The following CDH12 variants were observed in gnomAD, a reference collection of about 807,000 sequenced individuals.
CDH12 encodes cadherin 12.
In CDH12, 41 loss-of-function variants were observed where a neutral mutation model predicts 74.1. That is an observed-to-expected ratio of 0.55 (90% CI 0.43 to 0.72). CDH12 has a LOEUF of 0.72. CDH12 is among the 30% of genes least tolerant of loss of function. The pLI is 0.00. For missense variants in CDH12, 945 were observed against 977.2 expected (o/e 0.97, Z 0.44); for synonymous variants, 399 against 355.0 (o/e 1.12, Z -1.39).
At chr5:21,966,112 A>C (rs977193164) in intron 6 of CDH12, among the ~76,000 whole-genome samples, 3 of 144,014 alleles carry the variant, frequency 2.1e-5, no homozygotes, top group African/African-American at 7.7e-5. Flanking sequence ...GCTCACTTTT[A>C]CCCTTCATTT....
chr5:22,790,249 G>T (rs11950851), intron 1 of CDH12, among the ~76,000 whole-genome samples: 5,159 of 151,810 alleles, frequency 0.034, 279 homozygotes, highest in African/African-American at 0.12. Context: ...AATAACAGAG[G>T]GGAAAAAAAT....
At chr5:22,603,015 G>GAAAACA (rs1736923070) in intron 1 of CDH12, among the ~76,000 whole-genome samples, 1 of 152,244 alleles carries the variant, frequency 6.6e-6, no homozygotes, top group Admixed American at 6.5e-5. Flanking sequence ...TTAGATGTAA[G>GAAAACA]AGGCTGATCA....
At chr5:22,118,047 C>T (rs906193166) in intron 4 of CDH12, among the ~76,000 whole-genome samples, 2 of 152,050 alleles carry the variant, frequency 1.3e-5, no homozygotes, top group African/African-American at 4.8e-5. Context: ...TAGAACCATC[C>T]AGAATCAAGC....
At chr5:22,672,547 A>G (rs34401909) in intron 1 of CDH12, among the ~76,000 whole-genome samples, 83,744 of 151,814 alleles carry the variant, frequency 0.55, 23,381 homozygotes, top group Non-Finnish European at 0.58. Context: ...TGCTTCCACC[A>G]TCCACCCTTC....
In CDH12 at chr5:22,082,712, C is replaced by T. The variant is rs79053037; in HGVS notation, c.-186-3850G>A. ...TCACCAACACATAAACAGTTTGCAT[C>T]AGGAAACAACAGCAGCTAAATGCAA... On this transcript the variant is annotated intron_variant, in intron 4 of 14. Coordinates refer to ENST00000382254, the MANE Select transcript of CDH12 (RefSeq NM_004061.5). Among the ~76,000 whole-genome samples, 384 of 152,264 alleles carry T rather than the reference C, an allele frequency of 2.5e-3. 5 individuals are homozygous for T. Among genetic ancestry groups the T allele is most frequent in the African/African-American group, 8.5e-3 (355 of 41,544 alleles).
At chr5:21,752,263 G>A in intron 14 of CDH12, 27 bp from the exon 15 acceptor site, 6 of 1,554,864 alleles carry the variant, frequency 3.9e-6, no homozygotes, top group Non-Finnish European at 5.2e-6. Context: ...ATTGCAATTT[G>A]AGAATAGAAA....
intron 1 of CDH12, among the ~76,000 whole-genome samples, chr5:22,727,485 C>T (rs1744219430): frequency 1.3e-5 from 2 of 151,544 alleles, no homozygotes; most frequent in African/African-American, 2.4e-5. Flanking sequence ...ACTTCACATA[C>T]TATTTCACTA....
At chr5:22,645,043 T>C (rs771404178) in intron 1 of CDH12, among the ~76,000 whole-genome samples, 5 of 152,102 alleles carry the variant, frequency 3.3e-5, no homozygotes, top group Non-Finnish European at 7.4e-5. Context: ...TTAATGCTGT[T>C]TCTATGCTTG....
chr5:22,531,118 T>TCTC (rs1737563842), intron 1 of CDH12, among the ~76,000 whole-genome samples: 1 of 152,158 alleles, frequency 6.6e-6, no homozygotes, highest in African/African-American at 2.4e-5. Flanking sequence ...GCTGTGATTT[T>TCTC]CTCCTGCTGA....
At chr5:22,327,426 C>CTGTGTG (rs1491202419) in intron 3 of CDH12, among the ~76,000 whole-genome samples, 5 of 128,196 alleles carry the variant, frequency 3.9e-5, no homozygotes, top group African/African-American at 6.4e-5. Flanking sequence ...AAATTTGTGC[C>CTGTGTG]TCTGTGTGTG....
chr5:22,813,899 T>A (rs1418358765), intron 1 of CDH12, among the ~76,000 whole-genome samples: 1 of 152,192 alleles, frequency 6.6e-6, no homozygotes. Flanking sequence ...AGGACCCAGC[T>A]ATGTCATGCC....
At chr5:21,956,919 T>A (rs1278135845) in intron 6 of CDH12, among the ~76,000 whole-genome samples, 1 of 152,098 alleles carries the variant, frequency 6.6e-6, no homozygotes, top group Non-Finnish European at 1.5e-5. Flanking sequence ...TTCTTTTTTT[T>A]TTAACTTTTA....
rs568610585 is a variant in CDH12 at position 22,418,578 on chromosome 5, G to A, written c.-427-13227C>T. Among the ~76,000 whole-genome samples, 9 of 152,204 alleles carry A rather than the reference G, an allele frequency of 5.9e-5. No homozygotes were observed. In the South Asian group the frequency reaches 1.7e-3, roughly 28 times the overall value. ...GCCCATTCAGTATGATATGGCTGTG[G>A]GTTTGTCATAAATAACTCTTATTGG... On this transcript the variant is annotated intron_variant, in intron 2 of 14. Transcript: ENST00000382254.
At chr5:22,247,598 C>G (rs1230182777) in intron 3 of CDH12, among the ~76,000 whole-genome samples, 3 of 151,888 alleles carry the variant, frequency 2.0e-5, no homozygotes, top group Non-Finnish European at 2.9e-5. Flanking sequence ...TCGCTTGAAC[C>G]TGGGAGACAG....
At chr5:22,373,504 C>T (rs1561353949) in intron 3 of CDH12, among the ~76,000 whole-genome samples, 1 of 152,194 alleles carries the variant, frequency 6.6e-6, no homozygotes, top group Non-Finnish European at 1.5e-5. Context: ...AACCTGTTAA[C>T]ACAAAGCCAG....
intron 1 of CDH12, among the ~76,000 whole-genome samples, chr5:22,653,647 C>T (rs920499920): frequency 6.6e-6 from 1 of 152,128 alleles, no homozygotes; most frequent in Non-Finnish European, 1.5e-5. Context: ...AACATAGCGG[C>T]CCACTGGTAA....
intron 1 of CDH12, among the ~76,000 whole-genome samples, chr5:22,674,009 C>G (rs1041595985): frequency 2.0e-5 from 3 of 152,116 alleles, no homozygotes; most frequent in African/African-American, 7.2e-5. Context: ...AAGTTTTCTC[C>G]TTGTAGAGGC....
intron 2 of CDH12, among the ~76,000 whole-genome samples, chr5:22,435,204 GA>G (rs576904540): frequency 9.6e-4 from 146 of 152,158 alleles, no homozygotes; most frequent in Non-Finnish European, 1.7e-3. Context: ...AGAAAAATGT[GA>G]AAAGGCTACA....
intron 2 of CDH12, among the ~76,000 whole-genome samples, chr5:22,452,468 G>C (rs1228270389): frequency 4.0e-5 from 6 of 151,744 alleles, no homozygotes; most frequent in Admixed American, 3.9e-4. Context: ...CACACAATGG[G>C]GACACAACAG....
Sources: gnomAD v4.1 joint callset for allele counts (sites outside exome capture counted in the v4.1 genomes callset) on GRCh38, gnomAD v4.1.1 for gene constraint, MANE v1.5 for transcripts, NCBI Gene and HGNC (gene_info 2026-07-23, HGNC 2026-07-21) for gene names.